The following AUTS2 variants were observed in gnomAD, a reference collection of about 807,000 sequenced individuals.
The protein encoded by AUTS2 is activator of transcription and developmental regulator AUTS2, also known as autism susceptibility gene 2 protein.
Under a neutral mutation model 112.4 loss-of-function variants are expected in AUTS2, and 17 were observed. The observed-to-expected ratio is 0.15, with a 90% CI of 0.10 to 0.23. The LOEUF (loss-of-function observed/expected upper bound fraction) is 0.23, where lower values mean the gene tolerates loss of function less well. Ranked by LOEUF, AUTS2 falls within the 10% of genes least tolerant of loss-of-function variation. The pLI is 1.00. For missense variants in AUTS2, 1,510 were observed against 1,701.6 expected, an observed-to-expected ratio of 0.89 and a Z score of 1.98; for synonymous variants, 751 against 702.7, an observed-to-expected ratio of 1.07 and a Z score of -1.09.
chr7:69,967,612 C>T (rs886784299), intron 2 of AUTS2, among the ~76,000 whole-genome samples: 6 of 152,130 alleles, frequency 3.9e-5, no homozygotes, highest in Non-Finnish European at 8.8e-5. Flanking sequence ...TTCCTCCTGT[C>T]TTTGAATACT....
At chr7:69,850,889 T>G (rs979965305) in intron 1 of AUTS2, among the ~76,000 whole-genome samples, 3 of 152,326 alleles carry the variant, frequency 2.0e-5, no homozygotes, top group Non-Finnish European at 4.4e-5. Flanking sequence ...TTATGGAGTA[T>G]GCTTTTGATG....
chr7:69,713,138 G>T (rs1267404143), intron 1 of AUTS2, among the ~76,000 whole-genome samples: 1 of 152,130 alleles, frequency 6.6e-6, no homozygotes, highest in African/African-American at 2.4e-5. Context: ...ATTTACAGGG[G>T]ACAGTGTGAT....
chr7:70,609,348 A>G lies in AUTS2; in HGVS notation c.691-89221A>G, dbSNP rs1042576019. Among the ~76,000 whole-genome samples the G allele has an allele frequency of 8.9e-4, 134 of 149,846 alleles. 1 individual carries two copies. Among genetic ancestry groups the G allele is most frequent in the African/African-American group, 3.2e-3 (130 of 40,638 alleles). Reference sequence around the variant, plus strand: ...TGCCTGGCTTATTTCACTTGGTATAATGTTCTCCAAGTTCATCCATGTTGT... The same window carrying G: ...TGCCTGGCTTATTTCACTTGGTATAGTGTTCTCCAAGTTCATCCATGTTGT... On this transcript the variant is annotated intron_variant, in intron 5 of 18. Transcript: ENST00000342771.
intron 2 of AUTS2, among the ~76,000 whole-genome samples, chr7:70,027,634 A>G (rs1202604127): frequency 1.3e-5 from 2 of 152,250 alleles, no homozygotes; most frequent in Non-Finnish European, 2.9e-5. Context: ...GGTATGCATT[A>G]TAAGGCATAA....
At chr7:69,897,522 G>A (rs1025207976) in intron 1 of AUTS2, among the ~76,000 whole-genome samples, 2 of 149,610 alleles carry the variant, frequency 1.3e-5, no homozygotes, top group South Asian at 4.3e-4. Flanking sequence ...TCATGATCCA[G>A]TCAACTCCCA....
At chr7:70,035,438 G>A (rs1335284846) in intron 2 of AUTS2, among the ~76,000 whole-genome samples, 1 of 152,220 alleles carries the variant, frequency 6.6e-6, no homozygotes, top group Non-Finnish European at 1.5e-5. Flanking sequence ...ATGCCTGAAA[G>A]AGGAGGAGTG....
intron 4 of AUTS2, among the ~76,000 whole-genome samples, chr7:70,297,567 C>T (rs1264045295): frequency 1.3e-5 from 2 of 151,608 alleles, no homozygotes; most frequent in African/African-American, 4.8e-5. Flanking sequence ...GTAGCTGGGA[C>T]TACAGGCGCC....
intron 2 of AUTS2, among the ~76,000 whole-genome samples, chr7:69,984,829 GC>G (rs1798440611): frequency 6.6e-6 from 1 of 152,164 alleles, no homozygotes; most frequent in Non-Finnish European, 1.5e-5. Flanking sequence ...GTGGGCCTCT[GC>G]AGATGAGCAG....
chr7:70,432,393 A>T (rs975652693), intron 4 of AUTS2, among the ~76,000 whole-genome samples: 2 of 152,270 alleles, frequency 1.3e-5, no homozygotes, highest in Admixed American at 6.5e-5. Context: ...TCACTTGGCC[A>T]AAAAAATCCA....
chr7:70,167,236 A>C (rs1808431478), intron 4 of AUTS2, among the ~76,000 whole-genome samples: 1 of 152,164 alleles, frequency 6.6e-6, no homozygotes, highest in African/African-American at 2.4e-5. Context: ...AAAACAAACA[A>C]ACAAAACAAA....
At chr7:70,221,822 G>T (rs916907770) in intron 4 of AUTS2, among the ~76,000 whole-genome samples, 5 of 152,182 alleles carry the variant, frequency 3.3e-5, no homozygotes, top group Non-Finnish European at 7.3e-5. Flanking sequence ...GGGAGGCAGG[G>T]ATTGCAGTGA....
At chr7:69,878,140 G>T (rs1451768692) in intron 1 of AUTS2, among the ~76,000 whole-genome samples, 1 of 152,106 alleles carries the variant, frequency 6.6e-6, no homozygotes, top group African/African-American at 2.4e-5. Flanking sequence ...AGGCAAAGAG[G>T]ATGGTGGTGG....
intron 6 of AUTS2, among the ~76,000 whole-genome samples, chr7:70,724,897 T>A (rs1786936912): frequency 6.6e-6 from 1 of 152,210 alleles, no homozygotes; most frequent in Non-Finnish European, 1.5e-5. Context: ...GACTTAATAC[T>A]GGTTTTTTGG....
intron 5 of AUTS2, among the ~76,000 whole-genome samples, chr7:70,679,102 GC>G (rs762010936): frequency 6.6e-6 from 1 of 152,166 alleles, no homozygotes; most frequent in Non-Finnish European, 1.5e-5. Context: ...AGGAAATGTG[GC>G]AAAATGTTAT....
At position 70,781,729 on chromosome 7, in the gene AUTS2, C is replaced by T. The variant is rs748925591; in HGVS notation, c.2119C>T (p.Arg707Trp). The T allele has an allele frequency of 3.7e-6, 6 of 1,614,152 alleles. No homozygotes were observed. The highest frequency in any genetic ancestry group is 2.2e-5 in the South Asian group (2 of 91,072). Residue 707 changes from arginine to tryptophan, a missense_variant, in exon 15 of 19, where the codon CGG becomes TGG. By Grantham distance (101) the Arg-to-Trp change is moderately radical. Transcript: ENST00000342771. Reference protein sequence around the residue: ...GAIHHPHDLARPSTLFSAAGA... With the variant: ...GAIHHPHDLAWPSTLFSAAGA... ...CATCCACCACCCCCATGACCTGGCA[C>T]GGCCTTCAACTTTGTTCTCTGCCGC...
intron 1 of AUTS2, among the ~76,000 whole-genome samples, chr7:69,621,898 T>C (rs914445129): frequency 5.3e-5 from 8 of 152,194 alleles, no homozygotes; most frequent in African/African-American, 1.7e-4. Context: ...GGGCTTTTTT[T>C]TTTCTTTCTT....
At chr7:70,781,407 C>A in intron 14 of AUTS2, 1 of 449,042 alleles carries the variant, frequency 2.2e-6, no homozygotes, top group East Asian at 4.5e-5. Flanking sequence ...CTAGTGTTGT[C>A]ACTAGACATT....
chr7:70,743,074 A>G (rs750382240), intron 6 of AUTS2, among the ~76,000 whole-genome samples: 2 of 152,232 alleles, frequency 1.3e-5, no homozygotes, highest in Non-Finnish European at 2.9e-5. Flanking sequence ...GAGGAAATCT[A>G]AACTCATATT....
At chr7:70,085,411 G>A (rs1038782479) in intron 2 of AUTS2, among the ~76,000 whole-genome samples, 1 of 151,568 alleles carries the variant, frequency 6.6e-6, no homozygotes, top group African/African-American at 2.4e-5. Flanking sequence ...TGTTGCGCAG[G>A]CTGGAGTGCA....
Sources: allele counts gnomAD v4.1 joint callset (sites outside exome capture counted in the v4.1 genomes callset), GRCh38; gene constraint gnomAD v4.1.1; transcripts MANE v1.5; gene names NCBI Gene and HGNC (gene_info 2026-07-23, HGNC 2026-07-21).